CATSPERB: variants seen among roughly 807,000 people sequenced by gnomAD.
CATSPERB encodes the protein catsper channel auxiliary subunit beta, also known as cation channel sperm-associated auxiliary subunit beta.
In CATSPERB, 93 loss-of-function variants were observed where a neutral mutation model predicts 128.3. That is an observed-to-expected ratio of 0.72 (90% CI 0.61 to 0.86). The LOEUF is 0.86. Ranked by LOEUF, CATSPERB falls within the 40% of genes least tolerant of loss-of-function variation. The pLI is 0.00. For synonymous variants in CATSPERB, 381 were observed against 448.8 expected (o/e 0.85, Z 1.91); for missense variants, 1,153 against 1,329.5 (o/e 0.87, Z 2.06).
At chr14:91,624,131 C>T (rs550607852) in intron 18 of CATSPERB, among the ~76,000 whole-genome samples, 12 of 152,154 alleles carry the variant, frequency 7.9e-5, no homozygotes, top group South Asian at 2.1e-4. Flanking sequence ...GCGGATCACT[C>T]GAGGTCAGGA....
chr14:91,616,395 A>T (rs1893935730), intron 20 of CATSPERB, among the ~76,000 whole-genome samples: 1 of 152,146 alleles, frequency 6.6e-6, no homozygotes, highest in Non-Finnish European at 1.5e-5. Context: ...AGTCCTTTCC[A>T]GTGATTTTTT....
In CATSPERB at chr14:91,659,957, TGCC is replaced by T. The variant is rs1318033721; in HGVS notation, c.1309_1311del (p.Gly437del). The T allele has an allele frequency of 1.9e-6, 3 of 1,589,506 alleles. No individual in the cohort carries two copies. Among genetic ancestry groups the T allele is most frequent in the African/African-American group, 1.4e-5 (1 of 72,854 alleles). The stretch of plus-strand genomic sequence containing the variant: ...AAGTTAGCTATTAATTGAAAGGTGT[TGCC>T]GCCATCAACTGAAAGCCATATCTAA... On this transcript the variant is annotated inframe_deletion, in exon 15 of 27. Coordinates refer to ENST00000256343, the MANE Select transcript of CATSPERB (RefSeq NM_024764.4).
intron 22 of CATSPERB, among the ~76,000 whole-genome samples, chr14:91,594,597 T>G (rs559224757): frequency 6.6e-6 from 1 of 152,320 alleles, no homozygotes; most frequent in Admixed American, 6.5e-5. Context: ...AATTGTAAAT[T>G]CTTTTGTAAA....
intron 15 of CATSPERB, among the ~76,000 whole-genome samples, chr14:91,640,489 G>T (rs1894475954): frequency 8.6e-6 from 1 of 116,054 alleles, no homozygotes. Flanking sequence ...GTGAGAATAT[G>T]CAGTGTTTGG....
At chr14:91,600,810 C>A (rs1170497020) in intron 22 of CATSPERB, among the ~76,000 whole-genome samples, 1 of 152,198 alleles carries the variant, frequency 6.6e-6, no homozygotes, top group Non-Finnish European at 1.5e-5. Flanking sequence ...GCTGGTGCCT[C>A]CCAGAGTAAA....
At chr14:91,625,049 T>C in intron 17 of CATSPERB, 42 bp from the exon 18 acceptor site, 1 of 1,270,392 alleles carries the variant, frequency 7.9e-7, no homozygotes, top group Non-Finnish European at 1.1e-6. Flanking sequence ...GATAAAACAG[T>C]GGATTAAATG....
At chr14:91,650,659 G>A (rs1244100771) in intron 15 of CATSPERB, among the ~76,000 whole-genome samples, 2 of 147,720 alleles carry the variant, frequency 1.4e-5, no homozygotes, top group Admixed American at 6.9e-5. Context: ...ATTGATTTTG[G>A]TTTCCTCTGT....
intron 20 of CATSPERB, among the ~76,000 whole-genome samples, chr14:91,611,154 A>G (rs1460426477): frequency 6.6e-6 from 1 of 152,246 alleles, no homozygotes; most frequent in Non-Finnish European, 1.5e-5. Flanking sequence ...AAATATAGAA[A>G]AAGAAAAGAA....
intron 6 of CATSPERB, 78 bp downstream of exon 6, chr14:91,708,063 A>T (rs892260045): frequency 2.2e-6 from 2 of 916,620 alleles, no homozygotes; most frequent in Non-Finnish European, 3.6e-6. Context: ...CTTAGCACAG[A>T]ATCTGGCATA....
At chr14:91,724,588 T>C (rs192281285) in intron 3 of CATSPERB, among the ~76,000 whole-genome samples, 1 of 152,218 alleles carries the variant, frequency 6.6e-6, no homozygotes, top group African/African-American at 2.4e-5. Context: ...TAGTATTTGC[T>C]GCATGATCTT....
intron 14 of CATSPERB, among the ~76,000 whole-genome samples, chr14:91,668,535 C>A (rs373087745): frequency 1.3e-5 from 2 of 151,920 alleles, no homozygotes; most frequent in Non-Finnish European, 2.9e-5. Flanking sequence ...GCTGGCCACC[C>A]GAGCCAGCAA....
At chr14:91,587,737 T>C (rs1893329135) in intron 25 of CATSPERB, among the ~76,000 whole-genome samples, 1 of 152,140 alleles carries the variant, frequency 6.6e-6, no homozygotes, top group African/African-American at 2.4e-5. Flanking sequence ...GGAAACACTC[T>C]TTCTTCTCCA....
intron 17 of CATSPERB, 59 bp from the exon 18 acceptor site, chr14:91,625,066 T>G: frequency 2.0e-6 from 2 of 980,478 alleles, no homozygotes; most frequent in Non-Finnish European, 2.9e-6. Context: ...AATGAACCAA[T>G]TTATGAACAA....
intron 15 of CATSPERB, among the ~76,000 whole-genome samples, chr14:91,647,678 G>A (rs1425463714): frequency 6.6e-6 from 1 of 152,150 alleles, no homozygotes; most frequent in Admixed American, 6.5e-5. Context: ...ATCAGATCTT[G>A]TGAGACTTAT....
intron 7 of CATSPERB, among the ~76,000 whole-genome samples, chr14:91,693,702 A>T (rs1262862620): frequency 6.6e-6 from 1 of 152,224 alleles, no homozygotes; most frequent in Admixed American, 6.5e-5. Context: ...TGCCCTTAAA[A>T]TCAACCCTCT....
At chr14:91,636,944 C>T (rs113521453) in intron 16 of CATSPERB, among the ~76,000 whole-genome samples, 7 of 152,112 alleles carry the variant, frequency 4.6e-5, no homozygotes, top group African/African-American at 1.4e-4. Context: ...GGAAAGGGCC[C>T]GTGAAATCCC....
At chr14:91,725,483 T>C (rs975385296) in intron 2 of CATSPERB, among the ~76,000 whole-genome samples, 1 of 152,142 alleles carries the variant, frequency 6.6e-6, no homozygotes, top group Non-Finnish European at 1.5e-5. Flanking sequence ...TATAAAAGGA[T>C]CCAGAATCAG....
intron 22 of CATSPERB, among the ~76,000 whole-genome samples, chr14:91,600,645 T>C (rs35421983): frequency 1.2e-4 from 18 of 152,266 alleles, no homozygotes; most frequent in Non-Finnish European, 2.1e-4. Context: ...TTCACTTTCC[T>C]ATGGAATAAT....
intron 22 of CATSPERB, among the ~76,000 whole-genome samples, chr14:91,604,077 G>A (rs1893656524): frequency 6.8e-6 from 1 of 148,006 alleles, no homozygotes; most frequent in South Asian, 2.1e-4. Flanking sequence ...CACCCAGGCT[G>A]GACTGCAATG....
Sources: allele counts gnomAD v4.1 joint callset (sites outside exome capture counted in the v4.1 genomes callset), GRCh38; gene constraint gnomAD v4.1.1; transcripts MANE v1.5; gene names NCBI Gene and HGNC (gene_info 2026-07-23, HGNC 2026-07-21).